CNTNAP2: variants seen among roughly 807,000 people sequenced by gnomAD.
The protein encoded by CNTNAP2 is contactin associated protein 2.
In CNTNAP2, 98 loss-of-function variants were observed where a neutral mutation model predicts 155.2. The ratio of observed to expected loss-of-function variants is 0.63; its 90% CI spans 0.54 to 0.75. The LOEUF (loss-of-function observed/expected upper bound fraction) is 0.75. Among genes scored for constraint, CNTNAP2 ranks in the 30% least tolerant of loss-of-function variants. The probability of loss-of-function intolerance (pLI) is 0.00; values close to 1 mark genes in which losing one functional copy is unlikely to be tolerated. For synonymous variants in CNTNAP2, 651 were observed against 631.2 expected, an observed-to-expected ratio of 1.03 and a Z score of -0.47; for missense variants, 1,727 against 1,688.1, an observed-to-expected ratio of 1.02 and a Z score of -0.40.
At chr7:147,191,476 C>G (rs973390236) in intron 8 of CNTNAP2, among the ~76,000 whole-genome samples, 4 of 152,060 alleles carry the variant, frequency 2.6e-5, no homozygotes, top group African/African-American at 7.2e-5. Flanking sequence ...TTGGAAGGAA[C>G]AGGAGTGGAG....
intron 8 of CNTNAP2, among the ~76,000 whole-genome samples, chr7:147,137,307 CTAA>C (rs1361916326): frequency 6.6e-6 from 1 of 151,012 alleles, no homozygotes; most frequent in East Asian, 2.0e-4. Flanking sequence ...GACTATGAAT[CTAA>C]TGTCATTATT....
chr7:147,512,209 TCATGTATTA>T (rs879304542), intron 11 of CNTNAP2, among the ~76,000 whole-genome samples: 15 of 152,172 alleles, frequency 9.9e-5, no homozygotes, highest in African/African-American at 3.6e-4. Context: ...GTGCATGCAC[TCATGTATTA>T]CTAATTCTGT....
At chr7:146,918,346 T>C (rs541458745) in intron 3 of CNTNAP2, among the ~76,000 whole-genome samples, 1 of 152,320 alleles carries the variant, frequency 6.6e-6, no homozygotes, top group South Asian at 2.1e-4. Context: ...GATTTAGAGC[T>C]CCTTTTAGCA....
At chr7:147,103,241 A>G (rs913671097) in intron 4 of CNTNAP2, among the ~76,000 whole-genome samples, 1 of 152,146 alleles carries the variant, frequency 6.6e-6, no homozygotes, top group Admixed American at 6.5e-5. Flanking sequence ...TGCTGTAAAT[A>G]TACAAACATC....
At chr7:146,665,789 A>AAAAAAAAAAAAAAC (rs1408460775) in intron 1 of CNTNAP2, among the ~76,000 whole-genome samples, 1 of 146,700 alleles carries the variant, frequency 6.8e-6, no homozygotes, top group South Asian at 2.2e-4. Flanking sequence ...TCATTAAAAA[A>AAAAAAAAAAAAAAC]AAAAAAAAAT....
At chr7:147,250,172 G>T (rs1804164400) in intron 8 of CNTNAP2, among the ~76,000 whole-genome samples, 4 of 152,132 alleles carry the variant, frequency 2.6e-5, no homozygotes, top group Admixed American at 2.6e-4. Context: ...AGCAGAGGCT[G>T]CGAACACCCA....
intron 16 of CNTNAP2, among the ~76,000 whole-genome samples, chr7:148,130,771 GCTTCCC>G (rs1325249399): frequency 6.6e-6 from 1 of 152,174 alleles, no homozygotes; most frequent in Admixed American, 6.5e-5. Context: ...TTCCGGAATT[GCTTCCC>G]CTTCATTGAA....
chr7:148,055,547 A>AT (rs755805753), intron 15 of CNTNAP2, among the ~76,000 whole-genome samples: 4 of 152,216 alleles, frequency 2.6e-5, no homozygotes, highest in African/African-American at 7.2e-5. Flanking sequence ...AAATGGGACA[A>AT]TGATAGCCCT....
intron 1 of CNTNAP2, among the ~76,000 whole-genome samples, chr7:146,419,868 A>G (rs375117838): frequency 2.6e-5 from 4 of 152,250 alleles, no homozygotes; most frequent in African/African-American, 9.6e-5. Context: ...CCTAACTACT[A>G]TGGTATCTCT....
chr7:146,170,396 C>T (rs770435414), intron 1 of CNTNAP2, among the ~76,000 whole-genome samples: 7 of 152,030 alleles, frequency 4.6e-5, no homozygotes, highest in East Asian at 3.9e-4. Context: ...ACATTCCAAC[C>T]GAAGGGCACA....
intron 21 of CNTNAP2, among the ~76,000 whole-genome samples, chr7:148,330,337 A>C (rs1797966953): frequency 6.6e-6 from 1 of 151,420 alleles, no homozygotes; most frequent in Admixed American, 6.6e-5. Flanking sequence ...GAACAGATGG[A>C]ATGGATGGAT....
intron 2 of CNTNAP2, among the ~76,000 whole-genome samples, chr7:146,824,118 T>C (rs1010579313): frequency 6.6e-6 from 1 of 152,180 alleles, no homozygotes; most frequent in Non-Finnish European, 1.5e-5. Flanking sequence ...CTCCCACTTA[T>C]GAGTGAGAAC....
intron 13 of CNTNAP2, among the ~76,000 whole-genome samples, chr7:147,726,132 A>C (rs2116457497): frequency 6.6e-6 from 1 of 152,188 alleles, no homozygotes; most frequent in South Asian, 2.1e-4. Context: ...GCTGTTACTC[A>C]ATAAATATAA....
chr7:146,741,556 A>G (rs1327862067), intron 1 of CNTNAP2, among the ~76,000 whole-genome samples: 1 of 152,230 alleles, frequency 6.6e-6, no homozygotes, highest in East Asian at 1.9e-4. Flanking sequence ...TAGAAAGACC[A>G]GAGCACAGAG....
intron 1 of CNTNAP2, among the ~76,000 whole-genome samples, chr7:146,317,234 T>G (rs916222300): frequency 6.6e-6 from 1 of 152,186 alleles, no homozygotes; most frequent in African/African-American, 2.4e-5. Flanking sequence ...TTACAAAATT[T>G]ATAATTATTC....
At chr7:146,906,065 A>T (rs1165010603) in intron 3 of CNTNAP2, among the ~76,000 whole-genome samples, 1 of 151,962 alleles carries the variant, frequency 6.6e-6, no homozygotes, top group Non-Finnish European at 1.5e-5. Flanking sequence ...AAATCGGGTC[A>T]CTCCCACCCG....
chr7:148,338,257 T>C (rs1433378816), intron 21 of CNTNAP2, among the ~76,000 whole-genome samples: 1 of 152,216 alleles, frequency 6.6e-6, no homozygotes, highest in Non-Finnish European at 1.5e-5. Flanking sequence ...CTGGCTATGG[T>C]GACTTAATTT....
At chr7:146,468,578 A>G (rs1206504239) in intron 1 of CNTNAP2, among the ~76,000 whole-genome samples, 2 of 152,220 alleles carry the variant, frequency 1.3e-5, no homozygotes, top group Non-Finnish European at 2.9e-5. Context: ...ATCAGTAGGA[A>G]TTTGTCTTGC....
chr7:146,208,976 C>T (rs1584803178), intron 1 of CNTNAP2, among the ~76,000 whole-genome samples: 1 of 151,944 alleles, frequency 6.6e-6, no homozygotes, highest in African/African-American at 2.4e-5. Flanking sequence ...AAAAAGTAAC[C>T]TATATAATGT....
Sources: allele counts gnomAD v4.1 joint callset (sites outside exome capture counted in the v4.1 genomes callset), GRCh38; gene constraint gnomAD v4.1.1; transcripts MANE v1.5; gene names NCBI Gene and HGNC (gene_info 2026-07-23, HGNC 2026-07-21).